Variants in FGF13 observed in about 807,000 individuals in gnomAD.
The protein encoded by FGF13 is fibroblast growth factor 13.
FGF13 carries 2 observed loss-of-function variants against 19.5 expected under a neutral mutation model. The observed-to-expected ratio is 0.10, with a 90% CI of 0.04 to 0.32. FGF13 has a LOEUF of 0.32. Among genes scored for constraint, FGF13 ranks in the 10% least tolerant of loss-of-function variants. FGF13 has a pLI of 1.00. For synonymous variants in FGF13, 72 were observed against 76.9 expected (o/e 0.94, Z 0.33); for missense variants, 113 against 192.7 (o/e 0.59, Z 2.45).
At position 139,200,087 on chromosome X, in the gene FGF13, G is replaced by A. The variant is rs888507243; in HGVS notation, c.-113+3329C>T. Among the ~76,000 whole-genome samples, 12 of 111,875 alleles carry A rather than the reference G, an allele frequency of 1.1e-4. No individual in the cohort carries two copies. In the East Asian group the frequency reaches 3.4e-3, roughly 31 times the overall value. Reference sequence around the variant, plus strand: ...CACCTCCTTCAGCACAGAAAAGACCGTGTGGCTTATGACACTGTATGTAAA... The same window carrying A: ...CACCTCCTTCAGCACAGAAAAGACCATGTGGCTTATGACACTGTATGTAAA... On this transcript the variant is annotated intron_variant, in intron 1 of 2. Coordinates refer to the FGF13 transcript ENST00000421460.
intron 1 of FGF13, among the ~76,000 whole-genome samples, chrX:139,166,833 C>CCTTTTCCATATGAAAATTTCA (rs1408270189): frequency 1.8e-5 from 2 of 111,494 alleles, no homozygotes; most frequent in East Asian, 2.8e-4. Context: ...CTCCCTAAAA[C>CCTTTTCCATATGAAAATTTCA]CTTTTCCATA....
intron 3 of FGF13, among the ~76,000 whole-genome samples, chrX:138,751,905 C>A (rs1291813299): frequency 3.6e-5 from 4 of 111,709 alleles, no homozygotes; most frequent in Non-Finnish European, 7.5e-5. Flanking sequence ...CTCACAACAA[C>A]CCCCCAACAC....
At chrX:138,862,738 T>G (rs1167739084) in intron 2 of FGF13, among the ~76,000 whole-genome samples, 2 of 112,197 alleles carry the variant, frequency 1.8e-5, no homozygotes, top group Non-Finnish European at 3.8e-5. Context: ...ATGAGTAACT[T>G]AAGTAAATAA....
chrX:139,034,195 C>T (rs749770916), intron 1 of FGF13, among the ~76,000 whole-genome samples: 1 of 112,032 alleles, frequency 8.9e-6, no homozygotes, highest in South Asian at 3.7e-4. Context: ...CCAGCGTCCA[C>T]AGCCTATAGT....
intron 3 of FGF13, among the ~76,000 whole-genome samples, chrX:138,830,687 TTGTGTGTGTGTGTGTG>T (rs144759178): frequency 9.1e-5 from 8 of 87,516 alleles, no homozygotes; most frequent in African/African-American, 1.3e-4. Context: ...AAAGGGGTGT[TTGTGTGTGTGTGTGTG>T]TGTGTGTGTG....
At chrX:139,055,327 C>T (rs1420717010) in intron 1 of FGF13, among the ~76,000 whole-genome samples, 1 of 111,786 alleles carries the variant, frequency 8.9e-6, no homozygotes, top group African/African-American at 3.3e-5. Context: ...TTTGATTGTA[C>T]TTTGTCTTCA....
At chrX:139,161,050 A>T (rs2084028215) in intron 1 of FGF13, among the ~76,000 whole-genome samples, 1 of 111,777 alleles carries the variant, frequency 8.9e-6, no homozygotes, top group African/African-American at 3.3e-5. Context: ...AACAACAAAA[A>T]AATTTCAGGC....
chrX:138,942,601 C>T (rs2091763654), intron 1 of FGF13, among the ~76,000 whole-genome samples: 2 of 111,664 alleles, frequency 1.8e-5, no homozygotes, highest in African/African-American at 3.3e-5. Flanking sequence ...GAAATGGGCC[C>T]TTTTTATGCT....
intron 1 of FGF13, among the ~76,000 whole-genome samples, chrX:138,908,237 AATTTTTTT>A (rs2091569040): frequency 9.6e-6 from 1 of 104,653 alleles, no homozygotes; most frequent in African/African-American, 3.8e-5. Flanking sequence ...CGCCCGGCTA[AATTTTTTT>A]TTTTTTGTAT....
intron 3 of FGF13, among the ~76,000 whole-genome samples, chrX:138,776,563 G>T (rs1051841034): frequency 1.1e-4 from 12 of 112,096 alleles, no homozygotes; most frequent in Admixed American, 6.6e-4. Flanking sequence ...TGCAACTGGG[G>T]TTCATAACCA....
chrX:138,846,489 C>T (rs181217902), intron 3 of FGF13, among the ~76,000 whole-genome samples: 130 of 111,606 alleles, frequency 1.2e-3, no homozygotes, highest in Middle Eastern at 4.6e-3. Context: ...GTCATTTCCT[C>T]GAGTCTCCCT....
intron 1 of FGF13, among the ~76,000 whole-genome samples, chrX:139,054,962 G>T (rs1773486968): frequency 9.1e-6 from 1 of 109,326 alleles, no homozygotes; most frequent in South Asian, 3.9e-4. Flanking sequence ...AAGGGGTTGA[G>T]TTCTTGATTT....
At chrX:138,692,173 C>T (rs942436907) in intron 3 of FGF13, among the ~76,000 whole-genome samples, 3 of 111,478 alleles carry the variant, frequency 2.7e-5, no homozygotes, top group African/African-American at 9.8e-5. Context: ...ATAGGCCTGA[C>T]AGAAACAATA....
At chrX:138,861,096 T>G (rs934428820) in intron 2 of FGF13, among the ~76,000 whole-genome samples, 1 of 112,481 alleles carries the variant, frequency 8.9e-6, no homozygotes, top group Non-Finnish European at 1.9e-5. Context: ...CAAATGTTTT[T>G]CCATTGACTA....
At chrX:138,786,667 C>T (rs758529930) in intron 3 of FGF13, among the ~76,000 whole-genome samples, 883 of 1,561 alleles carry the variant, frequency 0.57, 7 homozygotes, top group African/African-American at 0.58. Context: ...CATTCACCAG[C>T]AAGCCAGAGG....
At chrX:138,735,523 A>G (rs1213571443) in intron 1 of FGF13, among the ~76,000 whole-genome samples, 3 of 112,261 alleles carry the variant, frequency 2.7e-5, no homozygotes, top group Non-Finnish European at 3.8e-5. Context: ...CCCTATTTAC[A>G]TAAGTAAGTG....
chrX:138,976,088 A>C (rs1044746237), intron 1 of FGF13, among the ~76,000 whole-genome samples: 5 of 111,645 alleles, frequency 4.5e-5, no homozygotes, highest in African/African-American at 1.6e-4. Context: ...TGGTCTTCTG[A>C]CACTGCATTA....
chrX:139,035,318 A>C (rs1423388339), intron 1 of FGF13, among the ~76,000 whole-genome samples: 1 of 111,127 alleles, frequency 9.0e-6, no homozygotes, highest in Non-Finnish European at 1.9e-5. Flanking sequence ...CTATTTTGTT[A>C]TAATAGTGAT....
Position 138,982,540 on chromosome X carries a change from G to A in FGF13, c.-112-117890C>T, listed in dbSNP as rs190894333. On this transcript the variant is annotated intron_variant, in intron 1 of 2. Transcript: ENST00000421460. ...AAAACGGCTTCTGCATTTCAGTAAC[G>A]CATTTCTGCATGCAGACTCAGGGAT... Among the ~76,000 whole-genome samples, 8 of 112,173 alleles carry A rather than the reference G, an allele frequency of 7.1e-5. No homozygotes were observed. The Admixed American group carries it at 7.6e-4, about 11-fold the overall frequency.
Sources: gnomAD v4.1 joint callset for allele counts (sites outside exome capture counted in the v4.1 genomes callset) on GRCh38, gnomAD v4.1.1 for gene constraint, MANE v1.5 for transcripts, NCBI Gene and HGNC (gene_info 2026-07-23, HGNC 2026-07-21) for gene names.